Variants in CFTR observed in about 807,000 individuals in gnomAD.
CFTR encodes the protein cystic fibrosis transmembrane conductance regulator.
Under a neutral mutation model 171.6 loss-of-function variants are expected in CFTR, and 181 were observed. The ratio of observed to expected loss-of-function variants is 1.05; its 90% CI spans 0.93 to 1.19. The LOEUF (loss-of-function observed/expected upper bound fraction) is 1.19, where lower values mean the gene tolerates loss of function less well. Among genes scored for constraint, CFTR ranks in the 50% most tolerant of loss-of-function variants. The pLI is 0.00. For synonymous variants in CFTR, 583 were observed against 608.0 expected, an observed-to-expected ratio of 0.96 and a Z score of 0.60; for missense variants, 1,968 against 1,734.7, an observed-to-expected ratio of 1.13 and a Z score of -2.39.
chr7:117,613,681 C>A (rs77466399), intron 20 of CFTR, among the ~76,000 whole-genome samples: 1 of 152,014 alleles, frequency 6.6e-6, no homozygotes, highest in Non-Finnish European at 1.5e-5. Context: ...TAATTTAATA[C>A]TACATGCAGA....
At chr7:117,498,816 G>GTT (rs772063224) in intron 1 of CFTR, among the ~76,000 whole-genome samples, 10 of 121,338 alleles carry the variant, frequency 8.2e-5, no homozygotes, top group Non-Finnish European at 1.3e-4. Context: ...TTCAACATTT[G>GTT]TTTTTTTTTT....
At chr7:117,553,224 GAC>G (rs375658005) in intron 10 of CFTR, among the ~76,000 whole-genome samples, 80 of 148,766 alleles carry the variant, frequency 5.4e-4, no homozygotes, top group African/African-American at 1.2e-3. Flanking sequence ...CCTGAACAAG[GAC>G]ACACACACAC....
At chr7:117,551,918 T>A (rs1210626365) in intron 10 of CFTR, among the ~76,000 whole-genome samples, 1 of 152,156 alleles carries the variant, frequency 6.6e-6, no homozygotes, top group Non-Finnish European at 1.5e-5. Flanking sequence ...GAGTTTTAGC[T>A]TATTCTTGTA....
chr7:117,653,390 G>T (rs1793116811), intron 24 of CFTR, among the ~76,000 whole-genome samples: 1 of 152,124 alleles, frequency 6.6e-6, no homozygotes, highest in Admixed American at 6.6e-5. Flanking sequence ...AAAGATCAAG[G>T]TGCCAGCAGG....
At chr7:117,608,353 C>T (rs909896307) in intron 18 of CFTR, among the ~76,000 whole-genome samples, 7 of 152,106 alleles carry the variant, frequency 4.6e-5, no homozygotes, top group Admixed American at 1.3e-4. Flanking sequence ...TACAGGCGCG[C>T]ACCACCATGC....
intron 10 of CFTR, among the ~76,000 whole-genome samples, chr7:117,551,551 A>T (rs1799271021): frequency 6.6e-6 from 1 of 152,156 alleles, no homozygotes; most frequent in East Asian, 1.9e-4. Flanking sequence ...CAAAAGGATC[A>T]TGTCTTCTTT....
chr7:117,483,510 A>G (rs2116608965), intron 1 of CFTR, among the ~76,000 whole-genome samples: 1 of 152,220 alleles, frequency 6.6e-6, no homozygotes, highest in African/African-American at 2.4e-5. Flanking sequence ...ACCTAATTTT[A>G]GGTGTTTTCA....
intron 11 of CFTR, among the ~76,000 whole-genome samples, chr7:117,584,629 G>C (rs1791902199): frequency 6.6e-6 from 1 of 151,980 alleles, no homozygotes; most frequent in Non-Finnish European, 1.5e-5. Context: ...TGTTCTTTTT[G>C]CTTAGTATTC....
chr7:117,642,353 T>A (rs1792929019), intron 22 of CFTR, 85 bp from the exon 23 acceptor site: 1 of 1,299,058 alleles, frequency 7.7e-7, no homozygotes, highest in African/African-American at 1.5e-5. Flanking sequence ...ATTCCAATGG[T>A]TTTTATTGAA....
intron 11 of CFTR, among the ~76,000 whole-genome samples, chr7:117,561,958 G>T (rs1041917975): frequency 1.3e-5 from 2 of 152,106 alleles, no homozygotes; most frequent in Non-Finnish European, 2.9e-5. Flanking sequence ...GAAATATTTT[G>T]ATTAAGAGCT....
At chr7:117,602,370 T>C (rs1357030262) in intron 15 of CFTR, among the ~76,000 whole-genome samples, 1 of 152,238 alleles carries the variant, frequency 6.6e-6, no homozygotes, top group Admixed American at 6.5e-5. Flanking sequence ...AATATTAATC[T>C]CACCTTTTCC....
At chr7:117,662,470 G>A (rs1023145591) in intron 24 of CFTR, among the ~76,000 whole-genome samples, 3 of 152,120 alleles carry the variant, frequency 2.0e-5, no homozygotes, top group Non-Finnish European at 4.4e-5. Context: ...GCTCAGCAAT[G>A]GCATCACTTG....
At chr7:117,567,956 T>A (rs1299761408) in intron 11 of CFTR, among the ~76,000 whole-genome samples, 1 of 152,126 alleles carries the variant, frequency 6.6e-6, no homozygotes, top group African/African-American at 2.4e-5. Flanking sequence ...ACATTTAAGC[T>A]GAGAGAGGAT....
At chr7:117,554,656 T>A (rs559241760) in intron 10 of CFTR, among the ~76,000 whole-genome samples, 3 of 151,570 alleles carry the variant, frequency 2.0e-5, no homozygotes, top group African/African-American at 7.3e-5. Flanking sequence ...GTATTAGAGG[T>A]TAAGGAGGTG....
chr7:117,613,977 T>C (rs1562915806), intron 20 of CFTR, among the ~76,000 whole-genome samples: 1 of 151,632 alleles, frequency 6.6e-6, no homozygotes, highest in Non-Finnish European at 1.5e-5. Context: ...ACTTAAGTGT[T>C]GTTCTTCCCA....
chr7:117,551,313 A>G (rs188053327), intron 10 of CFTR, among the ~76,000 whole-genome samples: 71 of 152,356 alleles, frequency 4.7e-4, no homozygotes, highest in Admixed American at 3.7e-3. Context: ...AAGAGTTACA[A>G]AATGTTATGT....
At chr7:117,512,540 A>G (rs1380944964) in intron 3 of CFTR, among the ~76,000 whole-genome samples, 1 of 150,006 alleles carries the variant, frequency 6.7e-6, no homozygotes, top group African/African-American at 2.4e-5. Context: ...AGGCTGAGGC[A>G]GGAGAATAGC....
At chr7:117,493,176 T>C (rs1798188883) in intron 1 of CFTR, among the ~76,000 whole-genome samples, 1 of 152,062 alleles carries the variant, frequency 6.6e-6, no homozygotes, top group Admixed American at 6.6e-5. Flanking sequence ...AAAATTATTT[T>C]CTCCAAATTA....
At chr7:117,499,727 A>G (rs1426723887) in intron 1 of CFTR, among the ~76,000 whole-genome samples, 1 of 151,808 alleles carries the variant, frequency 6.6e-6, no homozygotes, top group East Asian at 1.9e-4. Context: ...AGGCCAAGGC[A>G]GGAGGATCTC....
Sources: gnomAD v4.1 joint callset for allele counts (sites outside exome capture counted in the v4.1 genomes callset) on GRCh38, gnomAD v4.1.1 for gene constraint, MANE v1.5 for transcripts, NCBI Gene and HGNC (gene_info 2026-07-23, HGNC 2026-07-21) for gene names.